Variants in NR3C2 observed in about 807,000 individuals in gnomAD.
The protein encoded by NR3C2 is mineralocorticoid receptor.
NR3C2 carries 15 observed loss-of-function variants against 86.4 expected under a neutral mutation model. The ratio of observed to expected loss-of-function variants is 0.17; its 90% CI spans 0.12 to 0.27. The LOEUF is 0.27. Among genes scored for constraint, NR3C2 ranks in the 10% least tolerant of loss-of-function variants. The pLI is 1.00. For missense variants in NR3C2, 960 were observed against 1,195.6 expected (o/e 0.80, Z 2.91); for synonymous variants, 458 against 450.5 (o/e 1.02, Z -0.21).
intron 2 of NR3C2, among the ~76,000 whole-genome samples, chr4:148,320,771 T>C (rs1441268338): frequency 1.3e-5 from 2 of 151,294 alleles, no homozygotes; most frequent in East Asian, 1.9e-4. Flanking sequence ...TCTCTCTTTT[T>C]TTCTTTATTA....
intron 2 of NR3C2, among the ~76,000 whole-genome samples, chr4:148,394,241 C>A (rs1381563563): frequency 7.9e-5 from 12 of 152,070 alleles, no homozygotes; most frequent in Admixed American, 7.9e-4. Context: ...AACTGTCCAG[C>A]CAAGCCCACC....
At chr4:148,439,155 C>T (rs1240024501) in intron 1 of NR3C2, among the ~76,000 whole-genome samples, 1 of 152,096 alleles carries the variant, frequency 6.6e-6, no homozygotes, top group African/African-American at 2.4e-5. Context: ...TAAGACTGGC[C>T]TTTTATGCTT....
intron 2 of NR3C2, among the ~76,000 whole-genome samples, chr4:148,262,832 C>G (rs1554002369): frequency 6.6e-6 from 1 of 152,088 alleles, no homozygotes; most frequent in Non-Finnish European, 1.5e-5. Context: ...GTCTCTGACC[C>G]TTCTCTTTCT....
intron 6 of NR3C2, among the ~76,000 whole-genome samples, chr4:148,125,113 A>G (rs1732683299): frequency 2.6e-5 from 4 of 152,218 alleles, no homozygotes; most frequent in Admixed American, 2.0e-4. Context: ...TGGATGGGAC[A>G]CTACAGAGTT....
chr4:148,363,579 C>T (rs1000237789), intron 2 of NR3C2, among the ~76,000 whole-genome samples: 8 of 144,188 alleles, frequency 5.5e-5, no homozygotes, highest in African/African-American at 2.0e-4. Context: ...TCTCAGCTCA[C>T]TGCAAGCTCC....
intron 7 of NR3C2, among the ~76,000 whole-genome samples, chr4:148,119,355 C>G (rs1297197796): frequency 6.6e-6 from 1 of 152,210 alleles, no homozygotes; most frequent in African/African-American, 2.4e-5. Flanking sequence ...TCTATCCAAC[C>G]TACGACCCTT....
chr4:148,205,874 A>G (rs765563817), intron 3 of NR3C2, among the ~76,000 whole-genome samples: 2 of 152,184 alleles, frequency 1.3e-5, no homozygotes, highest in Non-Finnish European at 2.9e-5. Flanking sequence ...AGAGAAACAC[A>G]CTAAAAAAAA....
chr4:148,199,033 C>T (rs1033162634), intron 3 of NR3C2, among the ~76,000 whole-genome samples: 4 of 144,024 alleles, frequency 2.8e-5, no homozygotes, highest in Admixed American at 7.2e-5. Context: ...TTGCAGTGAG[C>T]TTGCACCATT....
chr4:148,175,363 T>C (rs903040363), intron 4 of NR3C2, among the ~76,000 whole-genome samples: 2 of 152,122 alleles, frequency 1.3e-5, no homozygotes, highest in Admixed American at 1.3e-4. Context: ...TGTGTGAGAA[T>C]CTCTAGGAGG....
At chr4:148,214,534 C>T (rs1179707757) in intron 3 of NR3C2, among the ~76,000 whole-genome samples, 1 of 152,140 alleles carries the variant, frequency 6.6e-6, no homozygotes, top group Non-Finnish European at 1.5e-5. Context: ...TTCAGATGGA[C>T]AACTGAAAAT....
intron 2 of NR3C2, among the ~76,000 whole-genome samples, chr4:148,356,468 G>A (rs72729949): frequency 6.6e-6 from 1 of 152,256 alleles, no homozygotes; most frequent in Non-Finnish European, 1.5e-5. Flanking sequence ...ACGTTTTTCT[G>A]TAGTGCCATT....
At position 148,442,165 on chromosome 4, in the gene NR3C2, T is replaced by A. The variant is rs61760021; in HGVS notation, c.-8A>T. On this transcript the variant is annotated 5_prime_UTR_variant, in exon 1 of 9. Coordinates refer to ENST00000358102, the MANE Select transcript of NR3C2 (RefSeq NM_000901.5). Reference sequence around the variant, plus strand: ...CGCCGCGCGCCCCTACACACCTGCCTCGGCCGGGGTCCGTCTCTCGCCGTC... The same window carrying A: ...CGCCGCGCGCCCCTACACACCTGCCACGGCCGGGGTCCGTCTCTCGCCGTC... The A allele has an allele frequency of 8.8e-3, 1,345 of 152,678 alleles. 9 individuals carry two copies. Among genetic ancestry groups the A allele is most frequent in the East Asian group, 0.034 (174 of 5,170 alleles). The allele number at this position is 152,678 out of a possible 1,614,324, so 9.5% of individuals were successfully genotyped here.
chr4:148,368,447 C>T (rs1746258636), intron 2 of NR3C2: 1 of 152,172 alleles, frequency 6.6e-6, no homozygotes, highest in Non-Finnish European at 1.5e-5. Context: ...AGCTTCCCCA[C>T]CCTGTCTCTG....
At chr4:148,373,459 C>G (rs2126397767) in intron 2 of NR3C2, among the ~76,000 whole-genome samples, 1 of 147,156 alleles carries the variant, frequency 6.8e-6, no homozygotes, top group South Asian at 2.2e-4. Flanking sequence ...CTGACTTGAA[C>G]TAAAGGATGA....
intron 7 of NR3C2, among the ~76,000 whole-genome samples, chr4:148,117,230 G>C (rs917175654): frequency 2.0e-5 from 3 of 152,172 alleles, no homozygotes; most frequent in Admixed American, 1.3e-4. Flanking sequence ...TGAATTCAAT[G>C]AAAATAAAAC....
chr4:148,380,574 CA>C (rs1746923424), intron 2 of NR3C2, among the ~76,000 whole-genome samples: 3 of 152,184 alleles, frequency 2.0e-5, no homozygotes, highest in African/African-American at 7.2e-5. Flanking sequence ...AATGCATGAA[CA>C]TTCTAATTTC....
At chr4:148,240,529 G>A (rs2149846904) in intron 3 of NR3C2, among the ~76,000 whole-genome samples, 1 of 152,186 alleles carries the variant, frequency 6.6e-6, no homozygotes, top group Non-Finnish European at 1.5e-5. Context: ...GGCTCTCATT[G>A]CTAGGAGATG....
At chr4:148,441,837 G>T (rs754284023) in intron 1 of NR3C2, among the ~76,000 whole-genome samples, 1 of 152,166 alleles carries the variant, frequency 6.6e-6, no homozygotes, top group Non-Finnish European at 1.5e-5. Flanking sequence ...TTATTCAAAC[G>T]TCCTTTAAAA....
chr4:148,348,393 T>C (rs541740364), intron 2 of NR3C2, among the ~76,000 whole-genome samples: 5 of 152,284 alleles, frequency 3.3e-5, no homozygotes, highest in African/African-American at 9.6e-5. Context: ...GTATCTGTTT[T>C]TTATATCTCC....
Sources: gnomAD v4.1 joint callset for allele counts (sites outside exome capture counted in the v4.1 genomes callset) on GRCh38, gnomAD v4.1.1 for gene constraint, MANE v1.5 for transcripts, NCBI Gene and HGNC (gene_info 2026-07-23, HGNC 2026-07-21) for gene names.